The following ZNF221 variants were observed in gnomAD, a reference collection of about 807,000 sequenced individuals.
ZNF221 encodes zinc finger protein 221.
ZNF221 carries 10 observed loss-of-function variants against 12.6 expected under a neutral mutation model. The ratio of observed to expected loss-of-function variants is 0.79; its 90% CI spans 0.49 to 1.34. The LOEUF is 1.34. Among genes scored for constraint, ZNF221 ranks in the 40% most tolerant of loss-of-function variants. ZNF221 has a pLI of 0.00. For synonymous variants in ZNF221, 232 were observed against 244.0 expected (o/e 0.95, Z 0.46); for missense variants, 661 against 721.4 (o/e 0.92, Z 0.96).
downstream of ZNF221, among the ~76,000 whole-genome samples, chr19:43,968,899 A>G (rs1975036396): frequency 2.0e-5 from 3 of 152,216 alleles, no homozygotes; most frequent in Admixed American, 6.5e-5. Context: ...TTGTGAGCCC[A>G]TGCCACCAGG....
intron 3 of ZNF221, 60 bp from the exon 4 acceptor site, chr19:43,965,173 A>G: frequency 6.3e-7 from 1 of 1,592,908 alleles, no homozygotes; most frequent in Non-Finnish European, 8.6e-7. Context: ...TTTCCAGTAA[A>G]TTTTCCCTAG....
At chr19:43,960,817 T>G (rs1974830439) in intron 1 of ZNF221, among the ~76,000 whole-genome samples, 1 of 152,208 alleles carries the variant, frequency 6.6e-6, no homozygotes, top group Non-Finnish European at 1.5e-5. Context: ...CTTGGCAGCT[T>G]CTACCTAGAT....
chr19:43,954,171 G>A (rs1312875873), intron 1 of ZNF221, among the ~76,000 whole-genome samples: 1 of 151,018 alleles, frequency 6.6e-6, no homozygotes, highest in African/African-American at 2.4e-5. Flanking sequence ...AATAAGTCCA[G>A]TCCAGTGGGT....
chr19:43,970,252 A>G (rs1307821788), downstream of ZNF221, among the ~76,000 whole-genome samples: 1 of 151,948 alleles, frequency 6.6e-6, no homozygotes, highest in Non-Finnish European at 1.5e-5. Flanking sequence ...CCCCACAAAA[A>G]CCCCATTCAA....
At chr19:43,970,557 T>C (rs555552286), downstream of ZNF221, among the ~76,000 whole-genome samples, 1 of 152,146 alleles carries the variant, frequency 6.6e-6, no homozygotes, top group East Asian at 1.9e-4. Flanking sequence ...ATAGCCAGTT[T>C]AGAGAGGAAC....
At chr19:43,962,618 T>C in intron 1 of ZNF221, 107 bp from the exon 2 acceptor site, 1 of 1,095,558 alleles carries the variant, frequency 9.1e-7, no homozygotes, top group Non-Finnish European at 1.4e-6. Flanking sequence ...TGAGTAATGC[T>C]GCTATGAACA....
the ZNF221 span, among the ~76,000 whole-genome samples, chr19:43,974,546 C>T: frequency 3.1e-4 from 47 of 151,862 alleles, no homozygotes; most frequent in African/African-American, 1.0e-3. Flanking sequence ...AACAAATTTA[C>T]GAGAAAAAAA....
At chr19:43,957,007 C>T (rs929425095) in intron 1 of ZNF221, among the ~76,000 whole-genome samples, 1 of 152,150 alleles carries the variant, frequency 6.6e-6, no homozygotes, top group African/African-American at 2.4e-5. Context: ...GGAACAGAAA[C>T]AGCCAGTTTG....
chr19:43,958,767 T>C (rs1290418012), intron 1 of ZNF221, among the ~76,000 whole-genome samples: 1 of 152,190 alleles, frequency 6.6e-6, no homozygotes, highest in Non-Finnish European at 1.5e-5. Flanking sequence ...AGTGTTTCCT[T>C]TTATTGGGAA....
At chr19:43,975,949 T>C in the ZNF221 span, among the ~76,000 whole-genome samples, 1 of 152,172 alleles carries the variant, frequency 6.6e-6, no homozygotes, top group African/African-American at 2.4e-5. Flanking sequence ...ATTTGTCACT[T>C]TTCTCACAAT....
At position 43,967,280 on chromosome 19, in the gene ZNF221, G is replaced by A; in HGVS notation, c.1778G>A (p.Gly593Glu). 1 of 1,613,414 alleles carries A rather than the reference G, an allele frequency of 6.2e-7. No individual in the cohort carries two copies. Among genetic ancestry groups the A allele is most frequent in the South Asian group, 1.1e-5 (1 of 91,050 alleles). Residue 593 changes from glycine (G) to glutamate (E), a missense_variant, in exon 5 of 5, where the codon GGA (glycine) becomes GAA (glutamate). Physicochemically the swap from Gly to Glu is moderately conservative, Grantham distance 98 (BLOSUM62 -2). Transcript: ENST00000587682. ...AGTGGAGAAAAGCCATTGAAATCTG[G>A]AGTGTGGGAAGAGATCTACTCAGAA... ...LHSGEKPLKSGVWEEIYSEFT... is the reference protein window; with the variant it reads ...LHSGEKPLKSEVWEEIYSEFT...
intron 1 of ZNF221, among the ~76,000 whole-genome samples, chr19:43,956,853 A>T (rs956044414): frequency 6.6e-6 from 1 of 152,262 alleles, no homozygotes; most frequent in African/African-American, 2.4e-5. Flanking sequence ...TAAATAAGTC[A>T]AACAATTTAA....
Position 43,952,025 on chromosome 19 carries a change from T to C in ZNF221, c.-3+625T>C, listed in dbSNP as rs373313231. Among the ~76,000 whole-genome samples, 1,400 of 150,450 alleles carry C rather than the reference T, an allele frequency of 9.3e-3. 16 individuals are homozygous for C. The highest frequency in any genetic ancestry group is 0.023 in the Admixed American group (348 of 15,084). On this transcript the variant is annotated intron_variant, in intron 1 of 4. Transcript: ENST00000587682. Reference sequence around the variant, plus strand: ...AGTAGCTGGGACTACAGGCGCCCGCTACCACGCCCGGCTAATTTTTTGTAT... The same window carrying C: ...AGTAGCTGGGACTACAGGCGCCCGCCACCACGCCCGGCTAATTTTTTGTAT...
At chr19:43,965,722 A>T in intron 4 of ZNF221, 82 bp from the exon 5 acceptor site, 1 of 1,262,144 alleles carries the variant, frequency 7.9e-7, no homozygotes, top group Non-Finnish European at 1.1e-6. Context: ...TTAAAGTTTA[A>T]TGCCATGTCC....
At chr19:43,958,909 T>A (rs558723561) in intron 1 of ZNF221, among the ~76,000 whole-genome samples, 11 of 152,004 alleles carry the variant, frequency 7.2e-5, no homozygotes, top group Admixed American at 3.3e-4. Context: ...AGTTAAGAGG[T>A]CAAGCTCAGT....
the ZNF221 span, among the ~76,000 whole-genome samples, chr19:43,980,908 T>C: frequency 2.0e-5 from 3 of 152,186 alleles, no homozygotes; most frequent in East Asian, 5.8e-4. Flanking sequence ...ATCAGGACCC[T>C]ATGACCCAGA....
chr19:43,972,284 T>TA (rs1328890519), downstream of ZNF221, among the ~76,000 whole-genome samples: 5 of 152,086 alleles, frequency 3.3e-5, no homozygotes, highest in African/African-American at 1.2e-4. Context: ...AAAGAAGTGT[T>TA]AAGACAGAAA....
the ZNF221 span, among the ~76,000 whole-genome samples, chr19:43,977,606 C>T: frequency 2.6e-5 from 4 of 152,088 alleles, no homozygotes; most frequent in Non-Finnish European, 5.9e-5. Flanking sequence ...AGAACAAATG[C>T]GCATGATCAG....
At chr19:43,980,047 T>C in the ZNF221 span, among the ~76,000 whole-genome samples, 1 of 152,218 alleles carries the variant, frequency 6.6e-6, no homozygotes, top group Admixed American at 6.5e-5. Context: ...CGAAGGACTA[T>C]AGTGGTATTT....
Sources: allele counts gnomAD v4.1 joint callset (sites outside exome capture counted in the v4.1 genomes callset), GRCh38; gene constraint gnomAD v4.1.1; transcripts MANE v1.5; gene names NCBI Gene and HGNC (gene_info 2026-07-23, HGNC 2026-07-21).